PRICKLE2: variants seen among roughly 807,000 people sequenced by gnomAD.
The protein encoded by PRICKLE2 is prickle planar cell polarity protein 2, also known as prickle-like protein 2.
Under a neutral mutation model 81.4 loss-of-function variants are expected in PRICKLE2, and 21 were observed. The observed-to-expected ratio is 0.26, with a 90% CI of 0.18 to 0.37. The LOEUF is 0.37. PRICKLE2 is among the 10% of genes least tolerant of loss of function. PRICKLE2 has a pLI of 1.00. For synonymous variants in PRICKLE2, 456 were observed against 421.5 expected (o/e 1.08, Z -1.00); for missense variants, 940 against 1,109.0 (o/e 0.85, Z 2.16).
At chr3:64,117,307 T>A (rs562588264) in intron 7 of PRICKLE2, among the ~76,000 whole-genome samples, 2 of 152,270 alleles carry the variant, frequency 1.3e-5, no homozygotes, top group South Asian at 2.1e-4. Flanking sequence ...GGATGCCCTC[T>A]CTCACCAGTC....
intron 1 of PRICKLE2, among the ~76,000 whole-genome samples, chr3:64,220,554 C>A (rs1382590000): frequency 6.6e-6 from 1 of 152,196 alleles, no homozygotes; most frequent in African/African-American, 2.4e-5. Flanking sequence ...TTACATACAG[C>A]AGCTCAAACA....
At chr3:64,128,433 G>A (rs1427892959) in intron 7 of PRICKLE2, among the ~76,000 whole-genome samples, 14 of 152,144 alleles carry the variant, frequency 9.2e-5, no homozygotes, top group Admixed American at 8.5e-4. Flanking sequence ...GTAGAGCAAG[G>A]GGAGGGGCAT....
chr3:64,220,968 A>T (rs2078943234), intron 1 of PRICKLE2, among the ~76,000 whole-genome samples: 1 of 152,182 alleles, frequency 6.6e-6, no homozygotes, highest in Admixed American at 6.5e-5. Flanking sequence ...AGTGGAAAAC[A>T]TGTGCAGTGC....
chr3:64,107,594 C>G (rs193079213), intron 7 of PRICKLE2, among the ~76,000 whole-genome samples: 3 of 152,122 alleles, frequency 2.0e-5, no homozygotes, highest in Admixed American at 1.3e-4. Context: ...ATAAGCCCAG[C>G]GCTTTGGGAA....
rs17069879 is a variant in PRICKLE2 at position 64,097,741 on chromosome 3, G to A, written c.*1310C>T. On this transcript the variant is annotated 3_prime_UTR_variant, in exon 8 of 8. Coordinates refer to ENST00000638394, the MANE Select transcript of PRICKLE2 (RefSeq NM_198859.4). ...GTAATCCAGATACTCTGGTTACTAAGCTGGTTACACTGGACTCTTTCTACA... is the reference window on the plus strand; with the variant it reads ...GTAATCCAGATACTCTGGTTACTAAACTGGTTACACTGGACTCTTTCTACA... 26,017 of 152,482 alleles carry A rather than the reference G, an allele frequency of 0.17. 2,321 individuals are homozygous for A. Among genetic ancestry groups the A allele is most frequent in the East Asian group, 0.3 (1,558 of 5,150 alleles). The allele number at this position is 152,482 out of a possible 1,614,324, so 9.4% of individuals were successfully genotyped here.
chr3:64,177,125 C>CTTTTTTTTTTTTTTTT (rs10690677), intron 2 of PRICKLE2, among the ~76,000 whole-genome samples: 1 of 70,838 alleles, frequency 1.4e-5, no homozygotes, highest in Non-Finnish European at 2.3e-5. Flanking sequence ...CCATTTTAAC[C>CTTTTTTTTTTTTTTTT]TTTTTTTTTT....
chr3:64,204,424 G>A (rs978840555), intron 1 of PRICKLE2, among the ~76,000 whole-genome samples: 1 of 152,120 alleles, frequency 6.6e-6, no homozygotes, highest in African/African-American at 2.4e-5. Flanking sequence ...TTAAGCAACT[G>A]AACTATTCAG....
intron 7 of PRICKLE2, among the ~76,000 whole-genome samples, chr3:64,121,030 C>T (rs2077016612): frequency 1.3e-5 from 2 of 152,152 alleles, no homozygotes; most frequent in East Asian, 1.9e-4. Flanking sequence ...TCTGTCTCAG[C>T]CAGCCTGTGC....
intron 7 of PRICKLE2, among the ~76,000 whole-genome samples, chr3:64,138,101 A>T (rs2077304648): frequency 6.6e-6 from 1 of 151,840 alleles, no homozygotes; most frequent in South Asian, 2.1e-4. Context: ...GGATCAGATA[A>T]AAACGTCAGT....
intron 2 of PRICKLE2, among the ~76,000 whole-genome samples, chr3:64,259,107 G>A (rs2079579488): frequency 6.6e-6 from 1 of 152,116 alleles, no homozygotes; most frequent in Non-Finnish European, 1.5e-5. Flanking sequence ...ACCTTTGAGA[G>A]ATCTGGAACC....
chr3:64,164,013 G>C (rs17720962), intron 2 of PRICKLE2: 31,775 of 151,428 alleles, frequency 0.21, 3,708 homozygotes, highest in Non-Finnish European at 0.25. Flanking sequence ...AACGACATGA[G>C]CACCTCTTGC....
At chr3:64,221,560 C>T (rs913794761) in intron 1 of PRICKLE2, among the ~76,000 whole-genome samples, 1 of 152,018 alleles carries the variant, frequency 6.6e-6, no homozygotes, top group African/African-American at 2.4e-5. Context: ...ACAAAGAAAA[C>T]AGATTTGGCC....
At chr3:64,134,030 T>A (rs2077238836) in intron 7 of PRICKLE2, among the ~76,000 whole-genome samples, 1 of 152,186 alleles carries the variant, frequency 6.6e-6, no homozygotes, top group Admixed American at 6.5e-5. Context: ...TACCAAATAA[T>A]ACAAGTAATA....
intron 2 of PRICKLE2, among the ~76,000 whole-genome samples, chr3:64,164,252 CT>C (rs1187740143): frequency 6.6e-6 from 1 of 152,186 alleles, no homozygotes; most frequent in Non-Finnish European, 1.5e-5. Flanking sequence ...TGGTGCATGC[CT>C]GTAATCCCAG....
At chr3:64,196,332 A>C (rs2078453145) in intron 2 of PRICKLE2, among the ~76,000 whole-genome samples, 1 of 152,214 alleles carries the variant, frequency 6.6e-6, no homozygotes, top group Non-Finnish European at 1.5e-5. Context: ...GGTAAACAAA[A>C]GAAAGATGGG....
chr3:64,255,812 G>T (rs1396156764), intron 2 of PRICKLE2, among the ~76,000 whole-genome samples: 1 of 152,208 alleles, frequency 6.6e-6, no homozygotes, highest in Admixed American at 6.5e-5. Context: ...TCTGGCCAAG[G>T]AGATGGTAGT....
Position 64,256,522 on chromosome 3 carries a change from C to T in PRICKLE2, c.129-57555G>A, listed in dbSNP as rs560233814. Among the ~76,000 whole-genome samples the T allele has an allele frequency of 2.0e-5, 3 of 152,076 alleles. No homozygotes were observed. The South Asian group carries it at 6.2e-4, about 32-fold the overall frequency. On this transcript the variant is annotated intron_variant, in intron 2 of 8. Coordinates refer to the PRICKLE2 transcript ENST00000295902. ...CTCTACACAGAAAAAGTTTGTTGAC[C>T]CATGATGTAGAAAAGTCTCCAACAT...
At chr3:64,158,122 T>C (rs1025838575) in intron 4 of PRICKLE2, among the ~76,000 whole-genome samples, 3 of 152,170 alleles carry the variant, frequency 2.0e-5, no homozygotes, top group African/African-American at 7.2e-5. Flanking sequence ...AAGAATAAAA[T>C]GTGGAAAGTA....
chr3:64,204,603 C>G (rs998087586), intron 1 of PRICKLE2, among the ~76,000 whole-genome samples: 2 of 151,540 alleles, frequency 1.3e-5, no homozygotes, highest in Non-Finnish European at 2.9e-5. Flanking sequence ...CACACACACG[C>G]AAAAGCAAAA....
Sources: gnomAD v4.1 joint callset for allele counts (sites outside exome capture counted in the v4.1 genomes callset) on GRCh38, gnomAD v4.1.1 for gene constraint, MANE v1.5 for transcripts, NCBI Gene and HGNC (gene_info 2026-07-23, HGNC 2026-07-21) for gene names.